Variants in CTNNA2 observed in about 807,000 individuals in gnomAD.
CTNNA2 encodes catenin alpha-2.
A neutral mutation model predicts 101.0 loss-of-function variants in CTNNA2; 42 were observed. That is an observed-to-expected ratio of 0.42 (90% CI 0.32 to 0.54). The LOEUF is 0.54. CTNNA2 is among the 20% of genes least tolerant of loss of function. The probability of loss-of-function intolerance (pLI) is 0.14; values close to 1 mark genes in which losing one functional copy is unlikely to be tolerated. For synonymous variants in CTNNA2, 450 were observed against 456.4 expected (o/e 0.99, Z 0.18); for missense variants, 871 against 1,223.1 (o/e 0.71, Z 4.29).
In CTNNA2 at chr2:79,973,491, A is replaced by T. The variant is rs79907464; in HGVS notation, c.1056+63694A>T. ...TGAGGTAAGTTGCCTGAAGCCAGAA[A>T]ATGGTGGAACAGAGAAGATTTATTG... On this transcript the variant is annotated intron_variant, in intron 7 of 18. Transcript: ENST00000402739. Among the ~76,000 whole-genome samples the T allele has an allele frequency of 5.2e-3, 792 of 152,318 alleles. 19 individuals carry two copies. The East Asian group carries it at 0.068, about 13-fold the overall frequency.
chr2:79,868,827 C>A (rs1682350756), intron 4 of CTNNA2, among the ~76,000 whole-genome samples: 1 of 152,202 alleles, frequency 6.6e-6, no homozygotes. Flanking sequence ...TTTCCAAAAA[C>A]ATGTCTGTCT....
At chr2:79,929,626 A>C (rs1460061526) in intron 7 of CTNNA2, among the ~76,000 whole-genome samples, 3 of 152,202 alleles carry the variant, frequency 2.0e-5, no homozygotes, top group Non-Finnish European at 4.4e-5. Flanking sequence ...TATCACTTTC[A>C]TAATTTTCTA....
intron 6 of CTNNA2, among the ~76,000 whole-genome samples, chr2:79,903,675 G>A (rs560480748): frequency 3.3e-5 from 5 of 152,254 alleles, no homozygotes; most frequent in Non-Finnish European, 7.4e-5. Context: ...CTGCTATGGG[G>A]ACAAACACCT....
At chr2:80,537,162 G>A (rs1302662264) in intron 9 of CTNNA2, among the ~76,000 whole-genome samples, 1 of 152,008 alleles carries the variant, frequency 6.6e-6, no homozygotes, top group Admixed American at 6.6e-5. Context: ...ACTTATGAGT[G>A]AGAACATGCA....
intron 4 of CTNNA2, among the ~76,000 whole-genome samples, chr2:79,397,046 T>G (rs939659909): frequency 5.3e-5 from 8 of 152,112 alleles, no homozygotes; most frequent in Non-Finnish European, 1.2e-4. Context: ...TCTAACAGTT[T>G]CCCAGATATG....
At chr2:80,143,172 A>G (rs1003726905) in intron 7 of CTNNA2, among the ~76,000 whole-genome samples, 6 of 152,166 alleles carry the variant, frequency 3.9e-5, no homozygotes, top group Non-Finnish European at 8.8e-5. Flanking sequence ...GTGCACTTTG[A>G]CTTACGGCCC....
chr2:80,045,643 C>T (rs1032624609), intron 7 of CTNNA2, among the ~76,000 whole-genome samples: 10 of 152,248 alleles, frequency 6.6e-5, no homozygotes, highest in Admixed American at 4.6e-4. Flanking sequence ...CTATTATTTT[C>T]TTCTCTTGAA....
intron 8 of CTNNA2, among the ~76,000 whole-genome samples, chr2:80,393,671 C>T (rs1677734230): frequency 6.6e-6 from 1 of 152,130 alleles, no homozygotes; most frequent in African/African-American, 2.4e-5. Flanking sequence ...AACCAGAATG[C>T]TAATGGTTAA....
At chr2:79,536,503 C>G (rs943296714) in intron 1 of CTNNA2, among the ~76,000 whole-genome samples, 6 of 151,756 alleles carry the variant, frequency 4.0e-5, no homozygotes, top group Admixed American at 1.3e-4. Flanking sequence ...TATTTTTTGA[C>G]TAATAATATC....
At chr2:80,258,278 C>A (rs977137556) in intron 7 of CTNNA2, among the ~76,000 whole-genome samples, 1 of 152,172 alleles carries the variant, frequency 6.6e-6, no homozygotes, top group African/African-American at 2.4e-5. Context: ...TTTTAAAAAT[C>A]TTCCAATCTT....
At chr2:80,315,531 G>T (rs759058455) in intron 7 of CTNNA2, among the ~76,000 whole-genome samples, 1 of 152,116 alleles carries the variant, frequency 6.6e-6, no homozygotes. Flanking sequence ...GTTCTCTCCC[G>T]CATGTCGTCT....
At chr2:79,868,929 G>A (rs907750329) in intron 4 of CTNNA2, among the ~76,000 whole-genome samples, 3 of 152,082 alleles carry the variant, frequency 2.0e-5, no homozygotes, top group South Asian at 2.1e-4. Flanking sequence ...GGGACTGAGC[G>A]GACTCCTTCA....
chr2:80,255,068 A>C (rs1240018282), intron 7 of CTNNA2, among the ~76,000 whole-genome samples: 1 of 152,172 alleles, frequency 6.6e-6, no homozygotes, highest in Non-Finnish European at 1.5e-5. Context: ...CAGGAGTCCC[A>C]GAAATGCATG....
chr2:80,399,075 ATT>A (rs375797544), intron 8 of CTNNA2, among the ~76,000 whole-genome samples: 28 of 137,446 alleles, frequency 2.0e-4, no homozygotes, highest in African/African-American at 4.1e-4. Context: ...CGCCTGGCTA[ATT>A]TTTTTTTTTT....
intron 2 of CTNNA2, among the ~76,000 whole-genome samples, chr2:79,681,562 A>G (rs868745986): frequency 6.6e-6 from 1 of 152,248 alleles, no homozygotes. Context: ...TATTTGATCA[A>G]TGTCCACAAG....
intron 8 of CTNNA2, among the ~76,000 whole-genome samples, chr2:80,412,835 G>C (rs2149396697): frequency 1.3e-5 from 2 of 152,196 alleles, no homozygotes; most frequent in Non-Finnish European, 2.9e-5. Flanking sequence ...AGGCAGTCTA[G>C]CCTGGGCACA....
chr2:80,364,921 G>A (rs1451706751), intron 7 of CTNNA2, among the ~76,000 whole-genome samples: 1 of 152,110 alleles, frequency 6.6e-6, no homozygotes, highest in Non-Finnish European at 1.5e-5. Flanking sequence ...GAAGAAACTC[G>A]GGTTTATGAT....
chr2:79,996,609 A>G (rs912368637), intron 7 of CTNNA2, among the ~76,000 whole-genome samples: 1 of 152,194 alleles, frequency 6.6e-6, no homozygotes, highest in African/African-American at 2.4e-5. Context: ...ACTGTAGAGC[A>G]CTTGAGCACT....
chr2:80,154,561 T>C (rs188987659), intron 7 of CTNNA2, among the ~76,000 whole-genome samples: 55 of 152,326 alleles, frequency 3.6e-4, no homozygotes, highest in Non-Finnish European at 6.6e-4. Context: ...AGTCATACTC[T>C]ATTAGGTCTT....
Sources: gnomAD v4.1 joint callset for allele counts (sites outside exome capture counted in the v4.1 genomes callset) on GRCh38, gnomAD v4.1.1 for gene constraint, MANE v1.5 for transcripts, NCBI Gene and HGNC (gene_info 2026-07-23, HGNC 2026-07-21) for gene names.